Variants in TGFA observed in about 807,000 individuals in gnomAD.
The protein encoded by TGFA is protransforming growth factor alpha.
A neutral mutation model predicts 21.7 loss-of-function variants in TGFA; 12 were observed. The ratio of observed to expected loss-of-function variants is 0.55; its 90% CI spans 0.35 to 0.90. TGFA has a LOEUF of 0.90. Ranked by LOEUF, TGFA falls within the 40% of genes least tolerant of loss-of-function variation. The pLI is 0.01. For missense variants in TGFA, 178 were observed against 210.8 expected, an observed-to-expected ratio of 0.84 and a Z score of 0.96; for synonymous variants, 79 against 88.1, an observed-to-expected ratio of 0.90 and a Z score of 0.58.
intron 1 of TGFA, 97 bp from the exon 2 acceptor site, chr2:70,515,009 C>T (rs782455838): frequency 2.7e-4 from 315 of 1,182,098 alleles, no homozygotes; most frequent in Non-Finnish European, 3.4e-4. Flanking sequence ...GGCAAAGGTT[C>T]GGTAGTTTCA....
chr2:70,481,618 C>T (rs1257131858), intron 2 of TGFA, among the ~76,000 whole-genome samples: 2 of 152,314 alleles, frequency 1.3e-5, no homozygotes, highest in African/African-American at 2.4e-5. Flanking sequence ...AAGTCCCCTC[C>T]CATACTGTCT....
chr2:70,552,884 C>G (rs1553507005), intron 1 of TGFA, among the ~76,000 whole-genome samples: 1 of 152,228 alleles, frequency 6.6e-6, no homozygotes, highest in African/African-American at 2.4e-5. Flanking sequence ...CCAGAGAGAC[C>G]CACCAGCACA....
At chr2:70,503,471 G>GT (rs1574109958) in intron 2 of TGFA, among the ~76,000 whole-genome samples, 2 of 151,322 alleles carry the variant, frequency 1.3e-5, no homozygotes, top group East Asian at 1.9e-4. Context: ...TATACCTAAT[G>GT]TAAATGACGA....
intron 2 of TGFA, among the ~76,000 whole-genome samples, chr2:70,497,699 C>T (rs7575526): frequency 0.062 from 9,473 of 152,210 alleles, 350 homozygotes; most frequent in Middle Eastern, 0.1. Context: ...ACAGTGGTGG[C>T]CTGTGATCTG....
intron 1 of TGFA, among the ~76,000 whole-genome samples, chr2:70,545,458 C>A (rs978653276): frequency 6.6e-6 from 1 of 151,958 alleles, no homozygotes; most frequent in Non-Finnish European, 1.5e-5. Flanking sequence ...TTTAAAAAAA[C>A]AGAATTTGTC....
Position 70,476,093 on chromosome 2 carries a change from AAAAAAAAAAAAAAATT to A in TGFA, c.95-10373_95-10358del, listed in dbSNP as rs1160015794. ...AGTAATTTTAAGCAAAAAAAAAAAA[AAAAAAAAAAAAAAATT>A]AAGAAAATTACAGGTCACGATTTTG... is the stretch of plus-strand genomic sequence containing the variant. On this transcript the variant is annotated intron_variant, in intron 2 of 5. Transcript: ENST00000295400. 5.3e-5 allele frequency among the ~76,000 whole-genome samples: 8 copies of A among 150,038 alleles called. 1 individual carries two copies. The East Asian group carries it at 1.6e-3, about 29-fold the overall frequency.
In TGFA at chr2:70,449,882, T is replaced by A. The variant is rs1163429348; in HGVS notation, c.*977A>T. 1 of 159,134 alleles carries A rather than the reference T, an allele frequency of 6.3e-6. No individual in the cohort carries two copies. Among genetic ancestry groups the A allele is most frequent in the African/African-American group, 2.4e-5 (1 of 41,656 alleles). The allele number at this position is 159,134 out of a possible 1,614,324, so 9.9% of individuals were successfully genotyped here. The stretch of plus-strand genomic sequence containing the variant: ...TAATCACTGAGCAGTACAATATGTA[T>A]TGGGTTTATCCTGTGTAGACACACA... On this transcript the variant is annotated 3_prime_UTR_variant, in exon 6 of 6. Transcript: ENST00000295400.
intron 1 of TGFA, chr2:70,553,522 G>T: frequency 7.3e-7 from 1 of 1,373,200 alleles, no homozygotes; most frequent in Non-Finnish European, 9.4e-7. Context: ...CACTTTCCCG[G>T]GGAAGCCTCG....
chr2:70,519,934 A>C (rs1163755217), intron 1 of TGFA, among the ~76,000 whole-genome samples: 4 of 152,126 alleles, frequency 2.6e-5, no homozygotes, highest in Admixed American at 2.6e-4. Context: ...TGGCTCTGCC[A>C]CTCCTTCACT....
At chr2:70,502,202 G>A (rs1030835774) in intron 2 of TGFA, among the ~76,000 whole-genome samples, 1 of 152,180 alleles carries the variant, frequency 6.6e-6, no homozygotes, top group South Asian at 2.1e-4. Context: ...GCACCGAGGG[G>A]GTGTGTTTTC....
chr2:70,526,771 AG>A (rs1672649512), intron 1 of TGFA, among the ~76,000 whole-genome samples: 1 of 152,104 alleles, frequency 6.6e-6, no homozygotes, highest in African/African-American at 2.4e-5. Flanking sequence ...AGCAAAAAGG[AG>A]GGAGAGGGAA....
At chr2:70,451,774 T>C (rs1553489643) in intron 5 of TGFA, 1 of 701,918 alleles carries the variant, frequency 1.4e-6, no homozygotes, top group Admixed American at 2.0e-5. Flanking sequence ...AAAGGAGATG[T>C]TGAGAGGGGG....
intron 2 of TGFA, among the ~76,000 whole-genome samples, chr2:70,497,504 G>A (rs1553498522): frequency 2.6e-5 from 4 of 152,152 alleles, no homozygotes. Context: ...CTATATGGGA[G>A]GCACTGAAAT....
intron 1 of TGFA, among the ~76,000 whole-genome samples, chr2:70,528,363 A>G (rs1284294638): frequency 6.6e-6 from 1 of 152,158 alleles, no homozygotes; most frequent in African/African-American, 2.4e-5. Context: ...TCAGTAGCTG[A>G]TCTCGCCGGG....
chr2:70,530,571 CTGGGCCACAGGCGGCCCA>C (rs56741563), intron 1 of TGFA, among the ~76,000 whole-genome samples: 5,422 of 152,328 alleles, frequency 0.036, 340 homozygotes, highest in African/African-American at 0.12. Flanking sequence ...CAAAGCCCTC[CTGGGCCACAGGCGGCCCA>C]TGGGCCACAG....
chr2:70,490,285 C>T (rs146863800), intron 2 of TGFA, among the ~76,000 whole-genome samples: 336 of 152,246 alleles, frequency 2.2e-3, no homozygotes, highest in Non-Finnish European at 3.2e-3. Context: ...AAAATAACAA[C>T]GAATTGCACT....
At chr2:70,485,069 T>C (rs541917759) in intron 2 of TGFA, among the ~76,000 whole-genome samples, 1 of 152,310 alleles carries the variant, frequency 6.6e-6, no homozygotes, top group African/African-American at 2.4e-5. Context: ...AGAAACTGAA[T>C]TAAAATGCCA....
intron 2 of TGFA, among the ~76,000 whole-genome samples, chr2:70,472,010 C>G (rs1670765444): frequency 6.6e-6 from 1 of 152,090 alleles, no homozygotes; most frequent in Non-Finnish European, 1.5e-5. Flanking sequence ...CTCTCTCTCC[C>G]CCTATTTTTT....
intron 1 of TGFA, among the ~76,000 whole-genome samples, chr2:70,520,767 T>C (rs763704203): frequency 1.3e-5 from 2 of 152,072 alleles, no homozygotes; most frequent in Admixed American, 6.6e-5. Flanking sequence ...TATATTCCCA[T>C]AGATGCTTCC....
Sources: gnomAD v4.1 joint callset for allele counts (sites outside exome capture counted in the v4.1 genomes callset) on GRCh38, gnomAD v4.1.1 for gene constraint, MANE v1.5 for transcripts, NCBI Gene and HGNC (gene_info 2026-07-23, HGNC 2026-07-21) for gene names.